Variants in LRFN5 observed in about 807,000 individuals in gnomAD.
LRFN5 encodes the protein leucine-rich repeat and fibronectin type-III domain-containing protein 5.
Under a neutral mutation model 45.6 loss-of-function variants are expected in LRFN5, and 24 were observed. The ratio of observed to expected loss-of-function variants is 0.53; its 90% CI spans 0.38 to 0.74. The LOEUF (loss-of-function observed/expected upper bound fraction) is 0.74. LRFN5 is among the 30% of genes least tolerant of loss of function. The pLI, the probability that LRFN5 is intolerant of heterozygous loss-of-function variation, is 0.00. For synonymous variants in LRFN5, 340 were observed against 313.8 expected, an observed-to-expected ratio of 1.08 and a Z score of -0.88; for missense variants, 776 against 861.5, an observed-to-expected ratio of 0.90 and a Z score of 1.24.
At chr14:41,694,498 T>C (rs55704143) in intron 1 of LRFN5, among the ~76,000 whole-genome samples, 5,071 of 152,076 alleles carry the variant, frequency 0.033, 143 homozygotes, top group African/African-American at 0.084. Flanking sequence ...GATTCATCCA[T>C]GGTATCCCAA....
chr14:41,612,277 G>A (rs1056327668), intron 1 of LRFN5, among the ~76,000 whole-genome samples: 6 of 152,096 alleles, frequency 3.9e-5, no homozygotes, highest in Non-Finnish European at 7.4e-5. Context: ...AAAAATAAAT[G>A]TGTCATAAAT....
chr14:41,632,628 T>C (rs958952853), intron 1 of LRFN5, among the ~76,000 whole-genome samples: 6 of 152,104 alleles, frequency 3.9e-5, no homozygotes, highest in Non-Finnish European at 7.4e-5. Context: ...AAGTATGTGT[T>C]GTTATTGTTA....
At chr14:41,774,637 A>G (rs1886211364) in intron 2 of LRFN5, among the ~76,000 whole-genome samples, 4 of 152,244 alleles carry the variant, frequency 2.6e-5, no homozygotes, top group Non-Finnish European at 5.9e-5. Flanking sequence ...CAGGACTACC[A>G]GGTGAAAACA....
chr14:41,636,601 A>C (rs1466031197), intron 1 of LRFN5, among the ~76,000 whole-genome samples: 1 of 151,860 alleles, frequency 6.6e-6, no homozygotes, highest in Non-Finnish European at 1.5e-5. Context: ...GTACCCTAGA[A>C]CTTAAAGTAT....
chr14:41,727,592 C>T (rs1055732545), intron 1 of LRFN5, among the ~76,000 whole-genome samples: 14 of 152,158 alleles, frequency 9.2e-5, no homozygotes, highest in African/African-American at 3.4e-4. Context: ...TGCCACTTCA[C>T]TCCAACATAG....
At chr14:41,822,502 T>C (rs1888147677) in intron 2 of LRFN5, among the ~76,000 whole-genome samples, 1 of 152,064 alleles carries the variant, frequency 6.6e-6, no homozygotes, top group Non-Finnish European at 1.5e-5. Context: ...TCCACTGTGG[T>C]TGAAGAAGAT....
intron 1 of LRFN5, among the ~76,000 whole-genome samples, chr14:41,610,529 A>T (rs1887703824): frequency 6.6e-6 from 1 of 151,882 alleles, no homozygotes. Flanking sequence ...ATAAACGTGA[A>T]AGAGGAGAAC....
At chr14:41,707,553 T>G (rs1371606113) in intron 1 of LRFN5, among the ~76,000 whole-genome samples, 3 of 152,282 alleles carry the variant, frequency 2.0e-5, no homozygotes, top group African/African-American at 7.2e-5. Flanking sequence ...CTTTTCTCAC[T>G]AAATTGAAAT....
intron 2 of LRFN5, among the ~76,000 whole-genome samples, chr14:41,825,049 GC>G (rs1270202969): frequency 6.6e-6 from 1 of 152,192 alleles, no homozygotes. Flanking sequence ...TGCTGCAATG[GC>G]CTCTGGGCAG....
At chr14:41,738,658 C>T (rs961904243) in intron 1 of LRFN5, among the ~76,000 whole-genome samples, 15 of 152,102 alleles carry the variant, frequency 9.9e-5, no homozygotes, top group African/African-American at 2.2e-4. Flanking sequence ...TTCAAGATCC[C>T]GTTTTATACA....
intron 1 of LRFN5, among the ~76,000 whole-genome samples, chr14:41,665,011 C>T (rs2043207758): frequency 6.6e-6 from 1 of 151,970 alleles, no homozygotes; most frequent in Non-Finnish European, 1.5e-5. Flanking sequence ...CTGTCTTTGA[C>T]TTCTAAAATG....
intron 4 of LRFN5, among the ~76,000 whole-genome samples, chr14:41,895,795 G>A (rs1890919921): frequency 6.7e-6 from 1 of 149,976 alleles, no homozygotes; most frequent in Non-Finnish European, 1.5e-5. Flanking sequence ...TACCTGCTTT[G>A]TAGATATATT....
chr14:41,829,433 G>C (rs8009537), intron 2 of LRFN5, among the ~76,000 whole-genome samples: 1 of 151,770 alleles, frequency 6.6e-6, no homozygotes, highest in Non-Finnish European at 1.5e-5. Flanking sequence ...TTTTTAAATA[G>C]AATTTATGAT....
intron 1 of LRFN5, among the ~76,000 whole-genome samples, chr14:41,736,107 T>A (rs111526399): frequency 0.056 from 8,533 of 152,210 alleles, 824 homozygotes; most frequent in African/African-American, 0.19. Flanking sequence ...TTATAATCCT[T>A]TGGTTATATA....
At chr14:41,760,247 T>A (rs1176229508) in intron 1 of LRFN5, among the ~76,000 whole-genome samples, 2 of 152,140 alleles carry the variant, frequency 1.3e-5, no homozygotes, top group African/African-American at 2.4e-5. Context: ...AATAAATAAA[T>A]AAACATTTAT....
intron 2 of LRFN5, among the ~76,000 whole-genome samples, chr14:41,818,070 C>G (rs1160348027): frequency 6.6e-6 from 1 of 151,950 alleles, no homozygotes; most frequent in Non-Finnish European, 1.5e-5. Flanking sequence ...TATTTTATTT[C>G]CTTTAATTCT....
At chr14:41,831,247 C>G (rs940053410) in intron 2 of LRFN5, among the ~76,000 whole-genome samples, 2 of 152,164 alleles carry the variant, frequency 1.3e-5, no homozygotes, top group Non-Finnish European at 2.9e-5. Flanking sequence ...AGCTGAGTCA[C>G]ACCATTCTTC....
intron 2 of LRFN5, among the ~76,000 whole-genome samples, chr14:41,821,866 A>G (rs190209883): frequency 1.3e-5 from 2 of 150,578 alleles, no homozygotes; most frequent in African/African-American, 2.4e-5. Context: ...CAAGTTTTCT[A>G]TTTCTTTCTG....
chr14:41,816,773 GT>G (rs570329082), intron 2 of LRFN5, among the ~76,000 whole-genome samples: 1 of 151,800 alleles, frequency 6.6e-6, no homozygotes, highest in Non-Finnish European at 1.5e-5. Context: ...GTACTGCTTG[GT>G]TTTTTCTGAG....
Sources: allele counts gnomAD v4.1 joint callset (sites outside exome capture counted in the v4.1 genomes callset), GRCh38; gene constraint gnomAD v4.1.1; transcripts MANE v1.5; gene names NCBI Gene and HGNC (gene_info 2026-07-23, HGNC 2026-07-21).